GBE1: variants seen among roughly 807,000 people sequenced by gnomAD.
GBE1 encodes the protein 1,4-alpha-glucan-branching enzyme.
A neutral mutation model predicts 88.8 loss-of-function variants in GBE1; 70 were observed. That is an observed-to-expected ratio of 0.79 (90% CI 0.65 to 0.96). GBE1 has a LOEUF of 0.96. Among genes scored for constraint, GBE1 ranks in the 40% least tolerant of loss-of-function variants. The probability of loss-of-function intolerance (pLI) is 0.00; values close to 1 mark genes in which losing one functional copy is unlikely to be tolerated. For synonymous variants in GBE1, 284 were observed against 300.1 expected, an observed-to-expected ratio of 0.95 and a Z score of 0.56; for missense variants, 872 against 871.0, an observed-to-expected ratio of 1.00 and a Z score of -0.01.
chr3:81,564,375 A>T (rs1481114458), intron 12 of GBE1, among the ~76,000 whole-genome samples: 1 of 152,110 alleles, frequency 6.6e-6, no homozygotes, highest in African/African-American at 2.4e-5. Flanking sequence ...ACTGAGGAGA[A>T]ATTCAAAAGG....
In GBE1 at chr3:81,586,159, G is replaced by T. The variant is rs767854057; in HGVS notation, c.1268C>A (p.Pro423Gln). 6.2e-7 allele frequency: 1 copy of T among 1,608,886 alleles called. No individual in the cohort carries two copies. The highest frequency in any genetic ancestry group is 1.1e-5 in the South Asian group (1 of 89,732). The change falls in exon 10 of 16, where the codon CCA becomes CAA. Residue 423 changes from proline to glutamine, a missense_variant. Coordinates refer to ENST00000429644, the MANE Select transcript of GBE1 (RefSeq NM_000158.4). ...DVSGMPALCS[P>Q]ISQGGGGFDY... is the part of the protein sequence containing the mutation. ...AAAACCACCCCCTCCCTGGGAAATTGGAGAGCACAGAGCTGGCATTCCTGA... is the reference window on the plus strand; with the variant it reads ...AAAACCACCCCCTCCCTGGGAAATTTGAGAGCACAGAGCTGGCATTCCTGA...
At chr3:81,734,739 C>T (rs1467651376) in intron 1 of GBE1, among the ~76,000 whole-genome samples, 1 of 152,046 alleles carries the variant, frequency 6.6e-6, no homozygotes, top group Non-Finnish European at 1.5e-5. Flanking sequence ...AGACAATGTG[C>T]CTCTAATCTA....
At chr3:81,701,113 T>C (rs1427090613) in intron 2 of GBE1, among the ~76,000 whole-genome samples, 1 of 152,184 alleles carries the variant, frequency 6.6e-6, no homozygotes, top group Non-Finnish European at 1.5e-5. Flanking sequence ...TTTGCTGTAT[T>C]GCAGATGATT....
At chr3:81,601,443 T>C (rs888581201) in intron 7 of GBE1, among the ~76,000 whole-genome samples, 1 of 152,136 alleles carries the variant, frequency 6.6e-6, no homozygotes, top group Non-Finnish European at 1.5e-5. Context: ...GTACAACATC[T>C]TTTAAAACCC....
chr3:81,717,367 G>A (rs1705952804), intron 1 of GBE1, among the ~76,000 whole-genome samples: 1 of 152,192 alleles, frequency 6.6e-6, no homozygotes. Flanking sequence ...CTGCACAGTA[G>A]TATGCTCCTG....
intron 7 of GBE1, among the ~76,000 whole-genome samples, chr3:81,623,873 G>T (rs1318607835): frequency 6.6e-6 from 1 of 152,072 alleles, no homozygotes; most frequent in African/African-American, 2.4e-5. Flanking sequence ...GTCTCACTAT[G>T]TTGCCCAGGC....
intron 2 of GBE1, among the ~76,000 whole-genome samples, chr3:81,679,627 C>G (rs1705309762): frequency 6.6e-6 from 1 of 152,114 alleles, no homozygotes; most frequent in Admixed American, 6.5e-5. Flanking sequence ...TAGCTGTAAC[C>G]AATAGCTTTC....
chr3:81,683,776 A>C (rs747189904), intron 2 of GBE1, among the ~76,000 whole-genome samples: 4 of 152,192 alleles, frequency 2.6e-5, no homozygotes, highest in Admixed American at 6.5e-5. Flanking sequence ...GTTATTATTT[A>C]AGAAACCTGA....
intron 12 of GBE1, among the ~76,000 whole-genome samples, chr3:81,545,611 C>CAT (rs954735924): frequency 2.0e-5 from 2 of 98,838 alleles, no homozygotes; most frequent in African/African-American, 1.2e-4. Context: ...TGATATCAAG[C>CAT]ATATGTGTGT....
chr3:81,508,626 G>A (rs1297475499), intron 14 of GBE1, among the ~76,000 whole-genome samples: 1 of 151,938 alleles, frequency 6.6e-6, no homozygotes, highest in African/African-American at 2.4e-5. Flanking sequence ...CTTACTCTGG[G>A]AACAGCCTTC....
intron 2 of GBE1, among the ~76,000 whole-genome samples, chr3:81,697,874 C>T (rs983345273): frequency 1.3e-5 from 2 of 151,630 alleles, no homozygotes; most frequent in African/African-American, 4.8e-5. Context: ...AGCATTTTAA[C>T]GAAAGACTGT....
intron 7 of GBE1, among the ~76,000 whole-genome samples, chr3:81,620,433 C>T (rs981570879): frequency 1.3e-5 from 2 of 151,946 alleles, no homozygotes; most frequent in South Asian, 2.1e-4. Flanking sequence ...CCGCCCGCCT[C>T]GGCCTCCCAA....
intron 1 of GBE1, among the ~76,000 whole-genome samples, chr3:81,750,967 T>C (rs1201170324): frequency 6.6e-6 from 1 of 151,696 alleles, no homozygotes; most frequent in African/African-American, 2.4e-5. Flanking sequence ...CGTCAGCCAC[T>C]GCGCCTGGCA....
chr3:81,618,187 C>T (rs1452443639), intron 7 of GBE1, among the ~76,000 whole-genome samples: 2 of 151,984 alleles, frequency 1.3e-5, no homozygotes, highest in African/African-American at 4.8e-5. Flanking sequence ...TCTTAGTTTT[C>T]GTTCATCTGA....
chr3:81,602,035 CACAAAGAATAAA>C (rs1383219977), intron 7 of GBE1, among the ~76,000 whole-genome samples: 2 of 151,976 alleles, frequency 1.3e-5, no homozygotes, highest in African/African-American at 4.8e-5. Context: ...TGATTAATAA[CACAAAGAATAAA>C]TATGGGAGTA....
intron 3 of GBE1, among the ~76,000 whole-genome samples, chr3:81,660,536 A>G (rs926715314): frequency 6.6e-6 from 1 of 152,166 alleles, no homozygotes; most frequent in African/African-American, 2.4e-5. Flanking sequence ...CACCTGACCA[A>G]TGAGTGAGGC....
intron 12 of GBE1, among the ~76,000 whole-genome samples, chr3:81,539,413 C>T (rs929630360): frequency 3.3e-5 from 5 of 151,884 alleles, no homozygotes; most frequent in African/African-American, 9.7e-5. Flanking sequence ...GAACCGTATA[C>T]ATTTTGTACC....
intron 15 of GBE1, among the ~76,000 whole-genome samples, chr3:81,496,230 A>G (rs1297596194): frequency 2.6e-5 from 4 of 152,240 alleles, no homozygotes; most frequent in Admixed American, 2.6e-4. Context: ...CATTTGTGAC[A>G]TACTCTGACC....
intron 12 of GBE1, among the ~76,000 whole-genome samples, chr3:81,559,061 T>A (rs1257443365): frequency 6.6e-6 from 1 of 151,794 alleles, no homozygotes; most frequent in East Asian, 1.9e-4. Context: ...TCATAGAAAA[T>A]TTTTTTTCAT....
Sources: allele counts gnomAD v4.1 joint callset (sites outside exome capture counted in the v4.1 genomes callset), GRCh38; gene constraint gnomAD v4.1.1; transcripts MANE v1.5; gene names NCBI Gene and HGNC (gene_info 2026-07-23, HGNC 2026-07-21).